SMARCAL1: variants seen among roughly 807,000 people sequenced by gnomAD.
SMARCAL1 encodes the protein ATP-driven annealing helicase.
Under a neutral mutation model 94.5 loss-of-function variants are expected in SMARCAL1, and 58 were observed. The ratio of observed to expected loss-of-function variants is 0.61; its 90% confidence interval spans 0.50 to 0.76. The LOEUF is 0.76. Among genes scored for constraint, SMARCAL1 ranks in the 30% least tolerant of loss-of-function variants. The pLI is 0.00. For missense variants in SMARCAL1, 1,051 were observed against 1,177.9 expected (o/e 0.89, Z 1.58); for synonymous variants, 422 against 455.1 (o/e 0.93, Z 0.93).
At chr2:216,440,983 G>A (rs898162285) in intron 10 of SMARCAL1, among the ~76,000 whole-genome samples, 9 of 152,004 alleles carry the variant, frequency 5.9e-5, no homozygotes, top group Non-Finnish European at 1.3e-4. Context: ...ATCTAAATAA[G>A]GAAATGAATC....
intron 3 of SMARCAL1, chr2:216,415,959 T>C (rs1222986066): frequency 4.7e-6 from 2 of 429,676 alleles, no homozygotes. Flanking sequence ...CTCCTCATAC[T>C]GCTTTGCCTG....
rs575252568 is a variant in SMARCAL1 at position 216,480,338 on chromosome 2, T to G, written c.2625+2039T>G. Among the ~76,000 whole-genome samples, 8 of 152,346 alleles carry G rather than the reference T, an allele frequency of 5.3e-5. No homozygotes were observed. In the East Asian group the frequency reaches 1.4e-3, roughly 26 times the overall value. ...TATCTCACTGAGATAGCCTTCCTTC[T>G]GAGAGGGGAAATGAAATATTAATCT... On this transcript the variant is annotated intron_variant, in intron 17 of 17. Transcript: ENST00000357276.
At chr2:216,421,620 T>A (rs284564) in intron 5 of SMARCAL1, among the ~76,000 whole-genome samples, 50,170 of 152,044 alleles carry the variant, frequency 0.33, 10,940 homozygotes, top group African/African-American at 0.62. Context: ...AGGTTCTTCA[T>A]AAGCTCCCCC....
At chr2:216,413,040 G>C (rs1407037048) in intron 1 of SMARCAL1, 1 of 152,056 alleles carries the variant, frequency 6.6e-6, no homozygotes, top group African/African-American at 2.4e-5. Context: ...GAGAGACTGA[G>C]GGCTTCTGCT....
intron 12 of SMARCAL1, among the ~76,000 whole-genome samples, chr2:216,457,749 T>G (rs1212471194): frequency 1.3e-5 from 2 of 152,064 alleles, no homozygotes; most frequent in East Asian, 3.9e-4. Flanking sequence ...AGATCTAAAA[T>G]TGACACCCTA....
At chr2:216,442,960 A>G (rs565291522) in intron 10 of SMARCAL1, among the ~76,000 whole-genome samples, 19 of 152,304 alleles carry the variant, frequency 1.2e-4, no homozygotes, top group African/African-American at 4.6e-4. Context: ...ATGAGGCTAT[A>G]GAAGTCCCCT....
intron 10 of SMARCAL1, among the ~76,000 whole-genome samples, chr2:216,440,181 A>G (rs1343955777): frequency 2.0e-5 from 3 of 152,224 alleles, no homozygotes; most frequent in African/African-American, 4.8e-5. Flanking sequence ...AGGCCTTAAT[A>G]TGCTTTCCAT....
chr2:216,476,269 G>A (rs1355117576), intron 15 of SMARCAL1, among the ~76,000 whole-genome samples: 1 of 151,752 alleles, frequency 6.6e-6, no homozygotes, highest in South Asian at 2.1e-4. Flanking sequence ...GACCTTGAGG[G>A]TGTAGCCATT....
intron 5 of SMARCAL1, among the ~76,000 whole-genome samples, chr2:216,421,881 G>T (rs1693728894): frequency 6.6e-6 from 1 of 152,200 alleles, no homozygotes; most frequent in African/African-American, 2.4e-5. Flanking sequence ...TTTCATCAGG[G>T]TTTGGGTTCC....
At position 216,415,294 on chromosome 2, in the gene SMARCAL1, C is replaced by T. The variant is rs779348137; in HGVS notation, c.590C>T (p.Ala197Val). 3 of 1,614,248 alleles carry T rather than the reference C, an allele frequency of 1.9e-6. No individual in the cohort carries two copies. In the South Asian group the frequency reaches 3.3e-5, roughly 18 times the overall value. The change falls in exon 3 of 18, where the codon GCC becomes GTC. Residue 197 changes from alanine (A) to valine (V), a missense_variant. Around this residue, in one of 3 missense-constraint regions of SMARCAL1, gnomAD observed 398 missense variants for 395.2 expected, o/e 1.01. Coordinates refer to ENST00000357276, the MANE Select transcript of SMARCAL1 (RefSeq NM_014140.4). ...AAGTTAGAGGCCAAGACAGCAAAAG[C>T]CTCCCCTTCGGGGCAGAACATTTCT... ...DAKLEAKTAK[A>V]SPSGQNISYI...
chr2:216,466,178 T>C (rs7590302), intron 13 of SMARCAL1, among the ~76,000 whole-genome samples: 35,400 of 152,190 alleles, frequency 0.23, 5,118 homozygotes, highest in Non-Finnish European at 0.3. Flanking sequence ...GGTGCCTCTC[T>C]CTTCAGATAC....
At chr2:216,468,138 C>A in intron 14 of SMARCAL1, 92 bp downstream of exon 14, 3 of 825,890 alleles carry the variant, frequency 3.6e-6, no homozygotes, top group South Asian at 1.4e-5. Context: ...AAAGTGAGAC[C>A]GATGGCTTCC....
At chr2:216,416,761 C>G (rs896104422) in intron 4 of SMARCAL1, among the ~76,000 whole-genome samples, 1 of 152,152 alleles carries the variant, frequency 6.6e-6, no homozygotes, top group African/African-American at 2.4e-5. Flanking sequence ...CCTGCCAGCC[C>G]CTGCTCCCAG....
Position 216,450,858 on chromosome 2 carries a change from T to G in SMARCAL1, c.1864T>G (p.Trp622Gly). Residue 622 changes from tryptophan to glycine, a missense_variant, in exon 12 of 18, where the codon TGG becomes GGG. This residue lies in a region of SMARCAL1 where 642 missense variants were observed against 754.7 expected (regional missense o/e 0.85). Transcript: ENST00000357276. ...TTGTTCTCTGCAGATGCCTTGGGGG[T>G]GGGACTACTCAGGTTCCTCCAACCT... is the stretch of plus-strand genomic sequence containing the variant. ...YCDAKRMPWG[W>G]DYSGSSNLGE... is the part of the protein sequence containing the mutation. The G allele has an allele frequency of 6.2e-7, 1 of 1,613,832 alleles. No homozygotes were observed. The highest frequency in any genetic ancestry group is 8.5e-7 in the Non-Finnish European group (1 of 1,179,944).
rs751823738 is a variant in SMARCAL1, at chr2:216,429,483, A to T, written c.1334+701A>T. ...ACATCCTGATCTTTCCTTTTTTTCC[A>T]GAGTTTCTTGGGAGAAGCAAAATGC... is the stretch of plus-strand genomic sequence containing the variant. On this transcript the variant is annotated intron_variant, in intron 7 of 17. Transcript: ENST00000357276. 3.3e-4 allele frequency among the ~76,000 whole-genome samples: 50 copies of T among 152,228 alleles called. 1 individual carries two copies. The highest frequency in any genetic ancestry group is 5.9e-4 in the Non-Finnish European group (40 of 68,024).
At chr2:216,465,307 GA>G (rs1348230261) in intron 13 of SMARCAL1, among the ~76,000 whole-genome samples, 13 of 152,190 alleles carry the variant, frequency 8.5e-5, no homozygotes, top group African/African-American at 3.1e-4. Flanking sequence ...TCGTTAAAAG[GA>G]GGGTGGGGTT....
At chr2:216,450,783 A>G (rs1694430459) in intron 11 of SMARCAL1, 63 bp from the exon 12 acceptor site, 1 of 1,379,198 alleles carries the variant, frequency 7.3e-7, no homozygotes, top group East Asian at 2.3e-5. Flanking sequence ...CGGGATCCCA[A>G]GTCCCTGTTG....
intron 12 of SMARCAL1, among the ~76,000 whole-genome samples, chr2:216,454,813 G>A (rs1389517222): frequency 6.6e-6 from 1 of 152,202 alleles, no homozygotes; most frequent in Non-Finnish European, 1.5e-5. Flanking sequence ...TCCAACTGAG[G>A]TACTGGGTTC....
chr2:216,416,847 G>A lies in SMARCAL1; in HGVS notation c.862+540G>A, dbSNP rs575100787. On this transcript the variant is annotated intron_variant, in intron 4 of 17. Coordinates refer to ENST00000357276, the MANE Select transcript of SMARCAL1 (RefSeq NM_014140.4). Reference sequence around the variant, plus strand: ...AGCTAACTACTCAAAAATGCAAGGAGGGGGCATTGGCCAGGCAAGTTCCAG... The same window carrying A: ...AGCTAACTACTCAAAAATGCAAGGAAGGGGCATTGGCCAGGCAAGTTCCAG... 8.0e-4 allele frequency among the ~76,000 whole-genome samples: 122 copies of A among 152,326 alleles called. 1 individual carries two copies. The highest frequency in any genetic ancestry group is 2.9e-3 in the African/African-American group (120 of 41,574).
Sources: allele counts gnomAD v4.1 joint callset (sites outside exome capture counted in the v4.1 genomes callset), GRCh38; gene constraint gnomAD v4.1.1; regional missense constraint gnomAD v4.1.1; transcripts MANE v1.5; gene names NCBI Gene and HGNC (gene_info 2026-07-23, HGNC 2026-07-21).